Variants in VAPB observed in about 807,000 individuals in gnomAD.
The protein encoded by VAPB is vesicle-associated membrane protein-associated protein B/C.
Under a neutral mutation model 25.6 loss-of-function variants are expected in VAPB, and 7 were observed. The observed-to-expected ratio is 0.27, with a 90% CI of 0.16 to 0.51. The LOEUF (loss-of-function observed/expected upper bound fraction) is 0.51. Among genes scored for constraint, VAPB ranks in the 20% least tolerant of loss-of-function variants. The pLI, the probability that VAPB is intolerant of heterozygous loss-of-function variation, is 0.97. For synonymous variants in VAPB, 112 were observed against 109.2 expected (o/e 1.03, Z -0.16); for missense variants, 266 against 301.3 (o/e 0.88, Z 0.87).
rs754063693 is a variant in VAPB, at chr20:58,449,817, C to T, written c.*5582C>T. On this transcript the variant is annotated 3_prime_UTR_variant, in exon 6 of 6. Transcript: ENST00000475243. ...GATGCTCGCTTGCTGGCCTGCTTTC[C>T]TGCTTGCATTCTGATGAGCTGCAGG... The T allele has an allele frequency of 1.5e-5, 7 of 454,072 alleles. No individual in the cohort carries two copies. Among genetic ancestry groups the T allele is most frequent in the South Asian group, 1.1e-4 (7 of 64,476 alleles). 28.1% of individuals were successfully genotyped at this position (454,072 alleles called of 1,614,324 possible). A position where few individuals can be genotyped will look rare whatever the true frequency, so the allele number is the denominator to read the frequency against.
chr20:58,444,364 C>A lies in VAPB; in HGVS notation c.*129C>A. ...TCTCACAGGTCTTGCCTTTAAATTA[C>A]CCCTCCCTGCACACACATACACAGA... is the stretch of plus-strand genomic sequence containing the variant. On this transcript the variant is annotated 3_prime_UTR_variant, in exon 6 of 6. Coordinates refer to ENST00000475243, the MANE Select transcript of VAPB (RefSeq NM_004738.5). 7.6e-7 allele frequency: 1 copy of A among 1,310,938 alleles called. No individual in the cohort carries two copies. The highest frequency in any genetic ancestry group is 1.1e-6 in the Non-Finnish European group (1 of 912,358). The allele number at this position is 1,310,938 out of a possible 1,614,324, so 81.2% of individuals were successfully genotyped here.
At chr20:58,410,453 A>C (rs891746726) in intron 1 of VAPB, among the ~76,000 whole-genome samples, 3 of 152,094 alleles carry the variant, frequency 2.0e-5, no homozygotes, top group African/African-American at 7.2e-5. Context: ...GTCTTGCTCC[A>C]TCACACAGGC....
chr20:58,442,460 T>C (rs1486460278), intron 5 of VAPB, among the ~76,000 whole-genome samples: 1 of 152,114 alleles, frequency 6.6e-6, no homozygotes, highest in Non-Finnish European at 1.5e-5. Context: ...TTTGCCGGGT[T>C]TTTTTTTAAG....
intron 1 of VAPB, among the ~76,000 whole-genome samples, chr20:58,398,133 T>C (rs1039135585): frequency 1.3e-5 from 2 of 152,238 alleles, no homozygotes; most frequent in Admixed American, 6.5e-5. Flanking sequence ...TCAGAACCCT[T>C]AAGTTAGCCT....
chr20:58,396,317 C>T (rs1012814642), intron 1 of VAPB, among the ~76,000 whole-genome samples: 5 of 152,172 alleles, frequency 3.3e-5, no homozygotes, highest in Admixed American at 1.3e-4. Flanking sequence ...GCACATTGGC[C>T]GATACCTATA....
At chr20:58,442,044 T>TGGTG (rs1430915381) in intron 5 of VAPB, among the ~76,000 whole-genome samples, 19 of 152,186 alleles carry the variant, frequency 1.2e-4, no homozygotes, top group African/African-American at 4.1e-4. Context: ...TTTTGGCTTG[T>TGGTG]GGTGGTGTGG....
chr20:58,422,297 C>T (rs572030863), intron 2 of VAPB, among the ~76,000 whole-genome samples: 2 of 152,214 alleles, frequency 1.3e-5, no homozygotes, highest in East Asian at 3.9e-4. Context: ...GTGGTTTTGG[C>T]CCGTTGCTCC....
chr20:58,437,401 T>C (rs374379628), intron 3 of VAPB, among the ~76,000 whole-genome samples: 1 of 152,362 alleles, frequency 6.6e-6, no homozygotes. Flanking sequence ...TATTCCATAG[T>C]TGGTATTTCA....
chr20:58,445,969 C>T lies in VAPB; in HGVS notation c.*1734C>T, dbSNP rs1242980111. The stretch of plus-strand genomic sequence containing the variant: ...CTTAGAAGTCACATACGTTGAGCCA[C>T]GTTGCTCCTAAGCCTGGCTCTGTCA... On this transcript the variant is annotated 3_prime_UTR_variant, in exon 6 of 6. Transcript: ENST00000475243. The T allele has an allele frequency of 1.5e-5, 7 of 453,956 alleles. No homozygotes were observed. The East Asian group carries it at 2.8e-4, about 18-fold the overall frequency. 28.1% of individuals were successfully genotyped at this position (453,956 alleles called of 1,614,324 possible).
chr20:58,434,605 T>C lies in VAPB; in HGVS notation c.215T>C (p.Met72Thr). 6.6e-7 allele frequency: 1 copy of C among 1,505,896 alleles called. No homozygotes were observed. Among genetic ancestry groups the C allele is most frequent in the Non-Finnish European group, 9.2e-7 (1 of 1,082,012 alleles). 93.3% of individuals were successfully genotyped at this position (1,505,896 alleles called of 1,614,324 possible). A position where few individuals can be genotyped will look rare whatever the true frequency, so the allele number is the denominator to read the frequency against. ...DAGASINVSV[M>T]LQPFDYDPNE... Reference sequence around the variant, plus strand: ...AATGAAATATTTTCTTTCTCAGTGATGTTACAGCCTTTCGATTATGATCCC... The same window carrying C: ...AATGAAATATTTTCTTTCTCAGTGACGTTACAGCCTTTCGATTATGATCCC... The change falls in exon 3 of 6, where the codon ATG becomes ACG. Residue 72 changes from methionine to threonine, a missense_variant. Coordinates refer to ENST00000475243, the MANE Select transcript of VAPB (RefSeq NM_004738.5).
chr20:58,400,078 T>C (rs2123026710), intron 1 of VAPB, among the ~76,000 whole-genome samples: 1 of 152,344 alleles, frequency 6.6e-6, no homozygotes, highest in East Asian at 1.9e-4. Flanking sequence ...AGAAGGCCTT[T>C]GCGAAGACTT....
intron 1 of VAPB, among the ~76,000 whole-genome samples, chr20:58,399,942 A>G (rs1006536138): frequency 6.6e-6 from 1 of 152,060 alleles, no homozygotes; most frequent in Non-Finnish European, 1.5e-5. Flanking sequence ...ACTGGGTACT[A>G]TTTTAGTCTT....
intron 1 of VAPB, among the ~76,000 whole-genome samples, chr20:58,414,572 C>G (rs1296085860): frequency 6.6e-6 from 1 of 151,176 alleles, no homozygotes; most frequent in Non-Finnish European, 1.5e-5. Context: ...AGAGGCGCTC[C>G]TCACATCCCA....
At chr20:58,410,703 C>T (rs1284953754) in intron 1 of VAPB, among the ~76,000 whole-genome samples, 6 of 152,084 alleles carry the variant, frequency 3.9e-5, no homozygotes, top group African/African-American at 1.2e-4. Flanking sequence ...GGATTATAGG[C>T]GTGAGCCACC....
chr20:58,447,450 C>T lies in VAPB; in HGVS notation c.*3215C>T. The stretch of plus-strand genomic sequence containing the variant: ...TTTATGGCTAGAGAGACGACTTATA[C>T]CTCCATAACACAGAAGGGGGAAAAA... On this transcript the variant is annotated 3_prime_UTR_variant, in exon 6 of 6. Transcript: ENST00000475243. 2.2e-6 allele frequency: 1 copy of T among 454,030 alleles called. No homozygotes were observed. The highest frequency in any genetic ancestry group is 4.4e-6 in the Non-Finnish European group (1 of 226,794). 28.1% of individuals were successfully genotyped at this position (454,030 alleles called of 1,614,324 possible).
At position 58,444,277 on chromosome 20, in the gene VAPB, C is replaced by T; in HGVS notation, c.*42C>T. 1.9e-6 allele frequency: 3 copies of T among 1,612,314 alleles called. No homozygotes were observed. The highest frequency in any genetic ancestry group is 1.7e-6 in the Non-Finnish European group (2 of 1,178,404). On this transcript the variant is annotated 3_prime_UTR_variant, in exon 6 of 6. Transcript: ENST00000475243. ...ATGGTAAATTGGATTGGTGGATCCA[C>T]CATATCATGGGATTTAAATTTATCA...
intron 2 of VAPB, among the ~76,000 whole-genome samples, chr20:58,429,404 C>T (rs574376385): frequency 3.3e-5 from 5 of 152,344 alleles, no homozygotes; most frequent in African/African-American, 1.2e-4. Context: ...CACCCACTGC[C>T]TTGTGTGCTT....
chr20:58,404,086 A>AT (rs1988165122), intron 1 of VAPB, among the ~76,000 whole-genome samples: 1 of 151,780 alleles, frequency 6.6e-6, no homozygotes, highest in Non-Finnish European at 1.5e-5. Context: ...TTCTGTCTCT[A>AT]TTTTTTCTGC....
Position 58,446,427 on chromosome 20 carries a change from G to GC in VAPB, c.*2193dup, listed in dbSNP as rs1208193681. ...TACAGTACAGTCCCATTACACTAGA[G>GC]CAGGGCTCTATTTATTTTTAAAGGA... On this transcript the variant is annotated 3_prime_UTR_variant, in exon 6 of 6. Transcript: ENST00000475243. 2.6e-5 allele frequency: 12 copies of GC among 453,964 alleles called. No individual in the cohort carries two copies. The highest frequency in any genetic ancestry group is 4.9e-5 in the Non-Finnish European group (11 of 226,802). 28.1% of individuals were successfully genotyped at this position (453,964 alleles called of 1,614,324 possible).
Sources: allele counts gnomAD v4.1 joint callset (sites outside exome capture counted in the v4.1 genomes callset), GRCh38; gene constraint gnomAD v4.1.1; transcripts MANE v1.5; gene names NCBI Gene and HGNC (gene_info 2026-07-23, HGNC 2026-07-21).